The following CCDC68 variants were observed in gnomAD, a reference collection of about 807,000 sequenced individuals.
CCDC68 encodes the protein coiled-coil domain-containing protein 68.
In CCDC68, 45 loss-of-function variants were observed where a neutral mutation model predicts 47.1. That is an observed-to-expected ratio of 0.96 (90% CI 0.75 to 1.23). The LOEUF (loss-of-function observed/expected upper bound fraction) is 1.23, where lower values mean the gene tolerates loss of function less well. Ranked by LOEUF, CCDC68 falls within the 50% of genes most tolerant of loss-of-function variation. CCDC68 has a pLI of 0.00. For missense variants in CCDC68, 353 were observed against 373.6 expected, an observed-to-expected ratio of 0.94 and a Z score of 0.45; for synonymous variants, 131 against 129.5, an observed-to-expected ratio of 1.01 and a Z score of -0.08.
chr18:54,927,205 T>C (rs2044160903), intron 8 of CCDC68, among the ~76,000 whole-genome samples: 1 of 152,214 alleles, frequency 6.6e-6, no homozygotes, highest in Non-Finnish European at 1.5e-5. Context: ...ATCACAAATA[T>C]GTATGATACC....
rs1568159902 is a variant in CCDC68 at position 54,944,704 on chromosome 18, GTTTA to G, written c.-13+680_-13+683del. Among the ~76,000 whole-genome samples, 4 of 152,278 alleles carry G rather than the reference GTTTA, an allele frequency of 2.6e-5. No homozygotes were observed. In the South Asian group the frequency reaches 8.3e-4, roughly 32 times the overall value. ...GCAACCAAGTAGTTGATGAGGGAAAGTTTATTTATTGAATTCCAGCTAATAAATT... is the reference window on the plus strand; with the variant it reads ...GCAACCAAGTAGTTGATGAGGGAAAGTTTATTGAATTCCAGCTAATAAATT... On this transcript the variant is annotated intron_variant, in intron 2 of 11. Coordinates refer to ENST00000591504, the MANE Select transcript of CCDC68 (RefSeq NM_025214.3).
intron 1 of CCDC68, 116 bp from the exon 2 acceptor site, chr18:54,945,593 G>A (rs968361769): frequency 3.3e-5 from 5 of 152,004 alleles, no homozygotes; most frequent in Admixed American, 6.5e-5. Context: ...AAACAAGATC[G>A]CTTCTGGGGA....
rs543722419 is a variant in CCDC68 at position 54,929,004 on chromosome 18, C to T, written c.601-122G>A. On this transcript the variant is annotated intron_variant, in intron 7 of 11. Coordinates refer to ENST00000591504, the MANE Select transcript of CCDC68 (RefSeq NM_025214.3). Reference sequence around the variant, plus strand: ...GTTAATTTCACATGTGCTGTTACTCCTCATCTTCAAGGAAACCTGGCCAAG... The same window carrying T: ...GTTAATTTCACATGTGCTGTTACTCTTCATCTTCAAGGAAACCTGGCCAAG... 6.2e-6 allele frequency: 4 copies of T among 643,460 alleles called. No individual in the cohort carries two copies. In the South Asian group the frequency reaches 7.7e-5, roughly 12 times the overall value. 39.9% of individuals were successfully genotyped at this position (643,460 alleles called of 1,614,324 possible). A position where few individuals can be genotyped will look rare whatever the true frequency, so the allele number is the denominator to read the frequency against.
chr18:54,938,112 T>C lies in CCDC68; in HGVS notation c.205-15A>G. 1 of 1,604,098 alleles carries C rather than the reference T, an allele frequency of 6.2e-7. No homozygotes were observed. ...TTTCCACAGTGCTGAAACGGACAAA[T>C]GAAAATCATAGACCTGACTATCTTT... is the stretch of plus-strand genomic sequence containing the variant. On this transcript the variant is annotated splice_polypyrimidine_tract_variant and intron_variant, in intron 4 of 11. Transcript: ENST00000591504.
chr18:54,956,331 C>T (rs1049975164), intron 1 of CCDC68, among the ~76,000 whole-genome samples: 2 of 152,152 alleles, frequency 1.3e-5, no homozygotes, highest in Non-Finnish European at 2.9e-5. Context: ...GAGTTACACA[C>T]AGAAAACACC....
chr18:54,957,817 G>A (rs1283493744), intron 1 of CCDC68, among the ~76,000 whole-genome samples: 1 of 152,122 alleles, frequency 6.6e-6, no homozygotes, highest in African/African-American at 2.4e-5. Context: ...CTAAAGATGA[G>A]AAACTACTAT....
Position 54,928,817 on chromosome 18 carries a change from A to C in CCDC68, c.666T>G (p.Ser222Arg), listed in dbSNP as rs775752978. 2.5e-6 allele frequency: 4 copies of C among 1,610,956 alleles called. No individual in the cohort carries two copies. The South Asian group carries it at 4.4e-5, about 18-fold the overall frequency. ...LENKLLQLKS[S>R]ATYGKSCQDL... Reference sequence around the variant, plus strand: ...TCACAAACCTTTTTCCATATGTAGCACTGGATTTGAGTTGCAGTAGCTTGT... The same window carrying C: ...TCACAAACCTTTTTCCATATGTAGCCCTGGATTTGAGTTGCAGTAGCTTGT... Residue 222 changes from serine (S) to arginine (R), a missense_variant, in exon 8 of 12, where the codon AGT becomes AGG. Physicochemically the swap from Ser to Arg is moderately radical, Grantham distance 110. Coordinates refer to ENST00000591504, the MANE Select transcript of CCDC68 (RefSeq NM_025214.3).
intron 4 of CCDC68, among the ~76,000 whole-genome samples, chr18:54,939,354 G>A (rs571467480): frequency 6.6e-6 from 1 of 152,074 alleles, no homozygotes; most frequent in Admixed American, 6.6e-5. Context: ...ATTGATCAGT[G>A]CTTTTCAAAC....
At chr18:54,944,699 G>A (rs983081004) in intron 2 of CCDC68, among the ~76,000 whole-genome samples, 4 of 152,084 alleles carry the variant, frequency 2.6e-5, no homozygotes, top group African/African-American at 9.7e-5. Flanking sequence ...AGTTGATGAG[G>A]GAAAGTTTAT....
intron 1 of CCDC68, among the ~76,000 whole-genome samples, chr18:54,955,311 T>C (rs903092772): frequency 6.6e-6 from 1 of 152,084 alleles, no homozygotes; most frequent in African/African-American, 2.4e-5. Flanking sequence ...AGTGACAGAA[T>C]ACAACCCCGT....
chr18:54,927,056 A>T (rs1185612571), intron 8 of CCDC68, among the ~76,000 whole-genome samples: 2 of 152,172 alleles, frequency 1.3e-5, no homozygotes, highest in Non-Finnish European at 2.9e-5. Context: ...TCTTAACCTA[A>T]CAGAAACTGT....
chr18:54,925,818 A>G (rs992684473), intron 8 of CCDC68, among the ~76,000 whole-genome samples: 5 of 152,224 alleles, frequency 3.3e-5, no homozygotes, highest in Non-Finnish European at 7.3e-5. Flanking sequence ...ACTAGGGACC[A>G]CAACCACAAG....
intron 6 of CCDC68, among the ~76,000 whole-genome samples, chr18:54,935,234 G>A (rs973327515): frequency 2.0e-5 from 3 of 152,038 alleles, no homozygotes; most frequent in East Asian, 1.9e-4. Flanking sequence ...CTAATTTAAC[G>A]AAAGCAACAT....
intron 1 of CCDC68, among the ~76,000 whole-genome samples, chr18:54,957,208 T>C (rs912689061): frequency 2.0e-5 from 3 of 152,228 alleles, no homozygotes; most frequent in Non-Finnish European, 2.9e-5. Context: ...GAACACATGA[T>C]TCCTAAGTTC....
chr18:54,938,179 A>C, intron 4 of CCDC68, 82 bp from the exon 5 acceptor site: 1 of 1,315,682 alleles, frequency 7.6e-7, no homozygotes, highest in Non-Finnish European at 1.0e-6. Flanking sequence ...ATTTAGTATT[A>C]CATATATCAA....
intron 11 of CCDC68, among the ~76,000 whole-genome samples, chr18:54,905,727 G>C (rs1267417781): frequency 6.6e-6 from 1 of 151,948 alleles, no homozygotes; most frequent in Non-Finnish European, 1.5e-5. Context: ...CCCATGACTG[G>C]TGCCATGGAC....
intron 9 of CCDC68, among the ~76,000 whole-genome samples, chr18:54,918,545 T>C (rs1191539637): frequency 2.0e-5 from 3 of 152,178 alleles, no homozygotes; most frequent in Non-Finnish European, 4.4e-5. Context: ...AACTGCTCTA[T>C]AAAAAGAGGG....
At chr18:54,914,722 G>C (rs2043916026) in intron 10 of CCDC68, among the ~76,000 whole-genome samples, 1 of 152,210 alleles carries the variant, frequency 6.6e-6, no homozygotes, top group African/African-American at 2.4e-5. Context: ...TTACTGTAGA[G>C]AGTCTGCCAC....
Position 54,902,671 on chromosome 18 carries a change from A to C in CCDC68, c.*1687T>G, listed in dbSNP as rs1307384296. ...TCAGTATTTGTTGTTTCTTACTGTC[A>C]TCCACAAAATAACACAGGCAGTCAT... On this transcript the variant is annotated 3_prime_UTR_variant, in exon 12 of 12. Transcript: ENST00000591504. 6.6e-6 allele frequency: 1 copy of C among 152,254 alleles called. No individual in the cohort carries two copies. The highest frequency in any genetic ancestry group is 1.5e-5 in the Non-Finnish European group (1 of 68,040). 9.4% of individuals were successfully genotyped at this position (152,254 alleles called of 1,614,324 possible).
Sources: allele counts gnomAD v4.1 joint callset (sites outside exome capture counted in the v4.1 genomes callset), GRCh38; gene constraint gnomAD v4.1.1; transcripts MANE v1.5; gene names NCBI Gene and HGNC (gene_info 2026-07-23, HGNC 2026-07-21).